The following ZNF487 variants were observed in gnomAD, a reference collection of about 807,000 sequenced individuals.
The protein encoded by ZNF487 is KRAB domain only 1.
ZNF487 carries 4 observed loss-of-function variants against 3.0 expected under a neutral mutation model. That is an observed-to-expected ratio of 1.35 (90% CI 0.66 to 3.08). The LOEUF (loss-of-function observed/expected upper bound fraction) is 3.08, where lower values mean the gene tolerates loss of function less well. Ranked by LOEUF, ZNF487 falls within the 30% of genes most tolerant of loss-of-function variation. ZNF487 has a pLI of 0.01. For missense variants in ZNF487, 146 were observed against 98.7 expected, an observed-to-expected ratio of 1.48 and a Z score of -2.03; for synonymous variants, 55 against 34.6, an observed-to-expected ratio of 1.59 and a Z score of -2.06.
At chr10:43,497,952 G>A in the ZNF487 span, among the ~76,000 whole-genome samples, 3 of 143,138 alleles carry the variant, frequency 2.1e-5, no homozygotes, top group Non-Finnish European at 4.5e-5. Flanking sequence ...GGGCGACAGA[G>A]CGAGACTCCG....
At chr10:43,519,872 C>T in the ZNF487 span, among the ~76,000 whole-genome samples, 2 of 152,182 alleles carry the variant, frequency 1.3e-5, no homozygotes, top group South Asian at 2.1e-4. Context: ...GGTAAAGTCA[C>T]CTAGATGTCT....
At chr10:43,488,344 CTG>C in the ZNF487 span, among the ~76,000 whole-genome samples, 2 of 151,860 alleles carry the variant, frequency 1.3e-5, no homozygotes, top group East Asian at 1.9e-4. Flanking sequence ...TAAAACTAAA[CTG>C]AAAATAATTA....
chr10:43,439,131 A>G (rs1224945824), intron 1 of ZNF487, among the ~76,000 whole-genome samples: 1 of 151,896 alleles, frequency 6.6e-6, no homozygotes. Context: ...AATCCCAGCT[A>G]CTTGAGAGGC....
chr10:43,494,529 T>C, the ZNF487 span, among the ~76,000 whole-genome samples: 1 of 141,630 alleles, frequency 7.1e-6, no homozygotes. Flanking sequence ...TCACTGCCCC[T>C]AAGATGCAAA....
At chr10:43,491,727 T>G in the ZNF487 span, among the ~76,000 whole-genome samples, 18 of 151,790 alleles carry the variant, frequency 1.2e-4, no homozygotes, top group African/African-American at 4.1e-4. Context: ...TTTTGCACCA[T>G]GAATTTGGGA....
At chr10:43,492,618 A>AT in the ZNF487 span, among the ~76,000 whole-genome samples, 2 of 151,796 alleles carry the variant, frequency 1.3e-5, no homozygotes, top group African/African-American at 4.8e-5. Context: ...CGCCCGGCTA[A>AT]TTTTTTTGTA....
chr10:43,448,376 G>A (rs1168338001), intron 1 of ZNF487, among the ~76,000 whole-genome samples: 2 of 151,736 alleles, frequency 1.3e-5, no homozygotes, highest in African/African-American at 4.8e-5. Context: ...AATTCGTCTT[G>A]CGCTGAAGTG....
At chr10:43,481,337 A>C (rs1244991215) in intron 3 of ZNF487, 92 bp from the exon 4 acceptor site, 4 of 624,546 alleles carry the variant, frequency 6.4e-6, no homozygotes, top group Non-Finnish European at 1.1e-5. Context: ...TGTGCCAAAA[A>C]AAAAAAGAAA....
At chr10:43,450,168 C>T (rs1164021921) in intron 1 of ZNF487, among the ~76,000 whole-genome samples, 2 of 151,968 alleles carry the variant, frequency 1.3e-5, no homozygotes. Flanking sequence ...ATCAGCCTCC[C>T]GAGTACCTGG....
chr10:43,502,600 A>G, the ZNF487 span, among the ~76,000 whole-genome samples: 1 of 152,200 alleles, frequency 6.6e-6, no homozygotes, highest in Non-Finnish European at 1.5e-5. Flanking sequence ...TACTGCACTG[A>G]CAGTCCTAAA....
chr10:43,510,804 C>T, the ZNF487 span, among the ~76,000 whole-genome samples: 1 of 152,202 alleles, frequency 6.6e-6, no homozygotes, highest in Non-Finnish European at 1.5e-5. Flanking sequence ...CCTTGGCCTC[C>T]CAAAGTGCGG....
the ZNF487 span, among the ~76,000 whole-genome samples, chr10:43,493,709 A>AAAAAAAAAAAAAAATATATATAT: frequency 2.3e-5 from 1 of 43,702 alleles, no homozygotes; most frequent in Non-Finnish European, 4.0e-5. Context: ...AAAAAAAAAA[A>AAAAAAAAAAAAAAATATATATAT]ATATATATAT....
downstream of ZNF487, among the ~76,000 whole-genome samples, chr10:43,487,773 A>G (rs1841482682): frequency 6.6e-6 from 1 of 151,824 alleles, no homozygotes; most frequent in Admixed American, 6.6e-5. Flanking sequence ...AATACTAAAA[A>G]GTAGAAATTT....
chr10:43,436,908 G>A (rs1349053975), upstream of ZNF487: 15 of 468,968 alleles, frequency 3.2e-5, no homozygotes, highest in Non-Finnish European at 6.2e-5. Context: ...AAGCCGGACT[G>A]CGCCGTGTCT....
At chr10:43,469,793 T>C (rs1286814658) in intron 1 of ZNF487, among the ~76,000 whole-genome samples, 4 of 151,734 alleles carry the variant, frequency 2.6e-5, no homozygotes, top group African/African-American at 4.8e-5. Flanking sequence ...TACCAAAAAA[T>C]AGAAAAATTA....
downstream of ZNF487, among the ~76,000 whole-genome samples, chr10:43,486,166 C>T (rs1435329049): frequency 1.3e-5 from 2 of 152,146 alleles, no homozygotes; most frequent in African/African-American, 4.8e-5. Context: ...TTATCCAAGA[C>T]AGACTATTAT....
the ZNF487 span, among the ~76,000 whole-genome samples, chr10:43,505,317 C>G: frequency 6.6e-6 from 1 of 151,762 alleles, no homozygotes; most frequent in African/African-American, 2.4e-5. Context: ...CAGAGTCTTC[C>G]TCTGTCACCT....
At chr10:43,516,854 G>GGTATTGATTGGTA in the ZNF487 span, among the ~76,000 whole-genome samples, 2 of 152,064 alleles carry the variant, frequency 1.3e-5, no homozygotes, top group Non-Finnish European at 2.9e-5. Flanking sequence ...CAATCCAATC[G>GGTATTGATTGGTA]TTGACACCTG....
the ZNF487 span, among the ~76,000 whole-genome samples, chr10:43,509,711 C>T: frequency 3.3e-5 from 5 of 151,994 alleles, no homozygotes; most frequent in South Asian, 2.1e-4. Flanking sequence ...ATTCTAGCCT[C>T]GCTGTCAGCT....
Sources: allele counts gnomAD v4.1 joint callset (sites outside exome capture counted in the v4.1 genomes callset), GRCh38; gene constraint gnomAD v4.1.1; transcripts MANE v1.5; gene names NCBI Gene and HGNC (gene_info 2026-07-23, HGNC 2026-07-21).